Variants in MIS18BP1 observed in about 807,000 individuals in gnomAD.
MIS18BP1 encodes the protein MIS18 binding protein 1, also known as mis18-binding protein 1.
Under a neutral mutation model 116.1 loss-of-function variants are expected in MIS18BP1, and 72 were observed. The ratio of observed to expected loss-of-function variants is 0.62; its 90% CI spans 0.51 to 0.75. The LOEUF is 0.75. MIS18BP1 is among the 30% of genes least tolerant of loss of function. The pLI is 0.00. For missense variants in MIS18BP1, 1,363 were observed against 1,303.2 expected, an observed-to-expected ratio of 1.05 and a Z score of -0.71; for synonymous variants, 386 against 427.0, an observed-to-expected ratio of 0.90 and a Z score of 1.18.
Position 45,210,513 on chromosome 14 carries a change from C to T in MIS18BP1, c.3019G>A (p.Asp1007Asn), listed in dbSNP as rs1885294755. ...AGAATATCATCATCATCTTCACTGT[C>T]CTGGAAACTTGGCAACTAGAAAACA... is the stretch of plus-strand genomic sequence containing the variant. ...HQRILLPSFQ[D>N]SEDDDDILPN... The change falls in exon 14 of 17, where the codon GAC becomes AAC. Residue 1007 changes from aspartate to asparagine, a missense_variant. By Grantham distance (23) the Asp-to-Asn change is conservative. Transcript: ENST00000310806. The T allele has an allele frequency of 1.2e-6, 2 of 1,613,760 alleles. No individual in the cohort carries two copies. The highest frequency in any genetic ancestry group is 1.7e-6 in the Non-Finnish European group (2 of 1,179,904).
chr14:45,221,391 C>T (rs1041397841), intron 11 of MIS18BP1, among the ~76,000 whole-genome samples: 3 of 152,022 alleles, frequency 2.0e-5, no homozygotes, highest in Admixed American at 6.6e-5. Context: ...GAGCAGAGAT[C>T]GCGCCACTTC....
At chr14:45,244,221 C>CA (rs1891667507) in intron 2 of MIS18BP1, among the ~76,000 whole-genome samples, 1 of 152,318 alleles carries the variant, frequency 6.6e-6, no homozygotes, top group Non-Finnish European at 1.5e-5. Context: ...AGCGGACTTA[C>CA]ACTCTTTACA....
Position 45,224,426 on chromosome 14 carries a change from T to C in MIS18BP1, c.2161A>G (p.Thr721Ala). ...KEDCDERDLL[T>A]VNRKIKISNL... ...GATATTTTTATTTTCCGGTTGACAG[T>C]AAGTAAGTCACGTTCATCGCAATCT... Residue 721 changes from threonine (T) to alanine (A), a missense_variant, in exon 11 of 17, where the codon ACT (threonine) becomes GCT (alanine). Thr to Ala is a moderately conservative substitution (Grantham distance 58, BLOSUM62 0). Coordinates refer to ENST00000310806, the MANE Select transcript of MIS18BP1 (RefSeq NM_018353.5). The C allele has an allele frequency of 1.9e-6, 3 of 1,613,932 alleles. No homozygotes were observed. The highest frequency in any genetic ancestry group is 2.5e-6 in the Non-Finnish European group (3 of 1,179,952).
intron 4 of MIS18BP1, among the ~76,000 whole-genome samples, chr14:45,240,695 G>T (rs1891552348): frequency 6.6e-6 from 1 of 151,930 alleles, no homozygotes; most frequent in Admixed American, 6.6e-5. Flanking sequence ...TTTAAAAAAT[G>T]CAGGCCATGT....
At chr14:45,218,591 TAAGA>T (rs1450534402) in intron 11 of MIS18BP1, 137 bp from the exon 12 acceptor site, 3 of 830,282 alleles carry the variant, frequency 3.6e-6, no homozygotes, top group Admixed American at 3.6e-5. Context: ...GGATAACAAT[TAAGA>T]AAGATATTAT....
rs1890512847 is a variant in MIS18BP1, at chr14:45,206,189, A to AT, written c.3153-20dup. 1 of 1,509,274 alleles carries AT rather than the reference A, an allele frequency of 6.6e-7. No homozygotes were observed. Among genetic ancestry groups the AT allele is most frequent in the South Asian group, 1.2e-5 (1 of 84,884 alleles). 93.5% of individuals were successfully genotyped at this position (1,509,274 alleles called of 1,614,324 possible). A position where few individuals can be genotyped will look rare whatever the true frequency, so the allele number is the denominator to read the frequency against. On this transcript the variant is annotated intron_variant, in intron 14 of 16. Coordinates refer to ENST00000310806, the MANE Select transcript of MIS18BP1 (RefSeq NM_018353.5). ...GTCATTCCTGTTTGAATACGAAATA[A>AT]TTTTAAGTCAACAATATTTTTAAGT... is the stretch of plus-strand genomic sequence containing the variant.
chr14:45,236,625 C>T (rs1289236966), intron 5 of MIS18BP1, among the ~76,000 whole-genome samples: 2 of 152,192 alleles, frequency 1.3e-5, no homozygotes, highest in Non-Finnish European at 2.9e-5. Context: ...CTTTGGTCAA[C>T]TGGGATTAAA....
intron 8 of MIS18BP1, among the ~76,000 whole-genome samples, chr14:45,229,013 C>A (rs751479522): frequency 6.6e-6 from 1 of 151,220 alleles, no homozygotes; most frequent in Non-Finnish European, 1.5e-5. Flanking sequence ...AAATAACTTA[C>A]GTGATATGAA....
intron 4 of MIS18BP1, among the ~76,000 whole-genome samples, chr14:45,239,575 G>A (rs1164118807): frequency 1.3e-5 from 2 of 152,076 alleles, no homozygotes; most frequent in East Asian, 1.9e-4. Flanking sequence ...AGTACAGCTC[G>A]GTAAACCATG....
rs762041031 is a variant in MIS18BP1, at chr14:45,231,234, T to C, written c.1501A>G (p.Ile501Val). 2.8e-5 allele frequency: 45 copies of C among 1,613,692 alleles called. 1 individual carries two copies. Among genetic ancestry groups the C allele is most frequent in the South Asian group, 2.5e-4 (23 of 91,052 alleles). The change falls in exon 8 of 17, where the codon ATA (isoleucine) becomes GTA (valine). Residue 501 changes from isoleucine to valine, a missense_variant. By Grantham distance (29) the Ile-to-Val change is conservative. Coordinates refer to ENST00000310806, the MANE Select transcript of MIS18BP1 (RefSeq NM_018353.5). ...GCATCATTTTTCATTGATTTCCTTA[T>C]GTCACGGACAGATCTTCCAGTTTTC... ...KQKTGRSVRDIRKSMKNDARE... is the reference protein window; with the variant it reads ...KQKTGRSVRDVRKSMKNDARE...
chr14:45,232,924 A>G (rs1396378086), intron 6 of MIS18BP1, 104 bp from the exon 7 acceptor site: 1 of 625,688 alleles, frequency 1.6e-6, no homozygotes. Context: ...CTATTGCTTA[A>G]TATGTGCCAG....
chr14:45,247,138 T>C lies in MIS18BP1; in HGVS notation c.149A>G (p.Asn50Ser). ...TPVKDLVKYQ[N>S]SSLKLNDHKK... ...ATGGTCATTCAATTTTAAGGAGGAG[T>C]TCTGATATTTCACCAAATCTTTTAC... The change falls in exon 2 of 17, where the codon AAC becomes AGC. Residue 50 changes from asparagine to serine, a missense_variant. Coordinates refer to ENST00000310806, the MANE Select transcript of MIS18BP1 (RefSeq NM_018353.5). 6.2e-7 allele frequency: 1 copy of C among 1,612,854 alleles called. No homozygotes were observed. The highest frequency in any genetic ancestry group is 8.5e-7 in the Non-Finnish European group (1 of 1,179,954).
At chr14:45,208,489 C>A (rs547471994) in intron 14 of MIS18BP1, among the ~76,000 whole-genome samples, 2 of 152,022 alleles carry the variant, frequency 1.3e-5, no homozygotes, top group East Asian at 3.9e-4. Flanking sequence ...CACACCACCA[C>A]ATCCGGCTAA....
chr14:45,230,546 T>TGATAAAAGATGA (rs1472137645), intron 8 of MIS18BP1, among the ~76,000 whole-genome samples: 3 of 152,146 alleles, frequency 2.0e-5, no homozygotes, highest in Non-Finnish European at 4.4e-5. Context: ...GTCAAGGAAA[T>TGATAAAAGATGA]TAAAAGAACA....
At position 45,246,741 on chromosome 14, in the gene MIS18BP1, A is replaced by G; in HGVS notation, c.544+2T>C. Reference sequence around the variant, plus strand: ...GCTTTTTAGCTAACACATAAAACTAACCTCTTAGTGAACTGTCATCTGACT... The same window carrying G: ...GCTTTTTAGCTAACACATAAAACTAGCCTCTTAGTGAACTGTCATCTGACT... On this transcript the variant is annotated splice_donor_variant, in intron 2 of 16. Transcript: ENST00000310806. LOFTEE classifies it high-confidence loss of function. The G allele has an allele frequency of 6.4e-7, 1 of 1,550,466 alleles. No individual in the cohort carries two copies. Among genetic ancestry groups the G allele is most frequent in the Non-Finnish European group, 8.6e-7 (1 of 1,156,544 alleles).
rs148855798 is a variant in MIS18BP1 at position 45,207,886 on chromosome 14, A to G, written c.3153-1716T>C. On this transcript the variant is annotated intron_variant, in intron 14 of 16. Transcript: ENST00000310806. The stretch of plus-strand genomic sequence containing the variant: ...AAAAAGTTTCAGACAATATAGATTC[A>G]TAACATAAGTGAATCTATCGTGTTT... Among the ~76,000 whole-genome samples the G allele has an allele frequency of 6.5e-3, 984 of 152,320 alleles. 8 individuals are homozygous for G. The highest frequency in any genetic ancestry group is 0.023 in the African/African-American group (936 of 41,558).
At chr14:45,237,089 A>G (rs1891451228) in intron 5 of MIS18BP1, among the ~76,000 whole-genome samples, 1 of 151,710 alleles carries the variant, frequency 6.6e-6, no homozygotes, top group Admixed American at 6.6e-5. Flanking sequence ...TTTTATTACA[A>G]ATATTTGTAG....
intron 13 of MIS18BP1, 101 bp downstream of exon 13, chr14:45,216,918 G>T: frequency 7.8e-7 from 1 of 1,278,144 alleles, no homozygotes. Flanking sequence ...GGAGGCTACT[G>T]ATCCTTGGCC....
At chr14:45,247,575 C>A (rs1891756939) in intron 1 of MIS18BP1, among the ~76,000 whole-genome samples, 198 bp from the exon 2 acceptor site, 1 of 151,968 alleles carries the variant, frequency 6.6e-6, no homozygotes, top group Non-Finnish European at 1.5e-5. Context: ...GTGTACACGC[C>A]TGTAGTCCTA....
Sources: gnomAD v4.1 joint callset for allele counts (sites outside exome capture counted in the v4.1 genomes callset) on GRCh38, gnomAD v4.1.1 for gene constraint, MANE v1.5 for transcripts, NCBI Gene and HGNC (gene_info 2026-07-23, HGNC 2026-07-21) for gene names.